NCF2: variants seen among roughly 807,000 people sequenced by gnomAD.
NCF2 encodes neutrophil cytosol factor 2.
In NCF2, 45 loss-of-function variants were observed where a neutral mutation model predicts 70.9. The observed-to-expected ratio is 0.63, with a 90% CI of 0.50 to 0.81. NCF2 has a LOEUF of 0.81. Ranked by LOEUF, NCF2 falls within the 40% of genes least tolerant of loss-of-function variation. The pLI is 0.00. For synonymous variants in NCF2, 203 were observed against 233.6 expected (o/e 0.87, Z 1.19); for missense variants, 522 against 631.6 (o/e 0.83, Z 1.86).
chr1:183,561,250 G>GT (rs1272296747), intron 13 of NCF2, among the ~76,000 whole-genome samples: 1 of 152,202 alleles, frequency 6.6e-6, no homozygotes, highest in Non-Finnish European at 1.5e-5. Flanking sequence ...TGCTAGGCTT[G>GT]TATGTACCGA....
At chr1:183,586,248 C>T (rs1393598479) in intron 2 of NCF2, among the ~76,000 whole-genome samples, 7 of 152,144 alleles carry the variant, frequency 4.6e-5, no homozygotes, top group Non-Finnish European at 8.8e-5. Flanking sequence ...CCAGGAGAAT[C>T]GCTTGAGCCT....
At chr1:183,572,947 C>A (rs910040209) in intron 5 of NCF2, among the ~76,000 whole-genome samples, 1 of 152,196 alleles carries the variant, frequency 6.6e-6, no homozygotes, top group Admixed American at 6.5e-5. Context: ...CTGTGAGTAA[C>A]CCTGTGGCTC....
chr1:183,588,627 TA>T lies in NCF2; in HGVS notation c.174+1528del, dbSNP rs35184007. Among the ~76,000 whole-genome samples, 446 of 152,200 alleles carry T rather than the reference TA, an allele frequency of 2.9e-3. 2 individuals are homozygous for T. Among genetic ancestry groups the T allele is most frequent in the African/African-American group, 0.01 (429 of 41,550 alleles). On this transcript the variant is annotated intron_variant, in intron 1 of 14. Transcript: ENST00000367535. ...AAATGAAAATAATTAAAATATTATA[TA>T]AATTGTTATATTTGTTTACTATACA... is the stretch of plus-strand genomic sequence containing the variant.
chr1:183,584,561 G>A (rs1673252586), intron 2 of NCF2, among the ~76,000 whole-genome samples: 1 of 152,142 alleles, frequency 6.6e-6, no homozygotes, highest in Non-Finnish European at 1.5e-5. Flanking sequence ...GGGACTCACG[G>A]GCATTTTTTG....
intron 1 of NCF2, among the ~76,000 whole-genome samples, chr1:183,588,062 A>G (rs1173707371): frequency 9.9e-5 from 15 of 152,208 alleles, no homozygotes. Flanking sequence ...ATTCATATGA[A>G]TTTAACTGCT....
intron 7 of NCF2, among the ~76,000 whole-genome samples, chr1:183,568,926 C>T (rs1340720149): frequency 2.0e-5 from 3 of 152,162 alleles, no homozygotes; most frequent in African/African-American, 7.2e-5. Flanking sequence ...TCAAGACTCC[C>T]ATCCCCATCA....
chr1:183,599,460 TTCTTTCTTTC>T, the NCF2 span, among the ~76,000 whole-genome samples: 1 of 141,452 alleles, frequency 7.1e-6, no homozygotes, highest in Admixed American at 7.4e-5. Flanking sequence ...CTTTCTTTCT[TTCTTTCTTTC>T]TTTCTTTCTT....
intron 14 of NCF2, among the ~76,000 whole-genome samples, chr1:183,557,061 T>G (rs1386710307): frequency 1.3e-5 from 2 of 152,182 alleles, no homozygotes; most frequent in South Asian, 4.1e-4. Flanking sequence ...TTTAATAGAG[T>G]GCAGGCATTG....
the NCF2 span, among the ~76,000 whole-genome samples, chr1:183,599,470 C>CTTTCTTTCTCT: frequency 3.6e-5 from 5 of 137,152 alleles, no homozygotes; most frequent in Non-Finnish European, 6.2e-5. Flanking sequence ...TTCTTTCTTT[C>CTTTCTTTCTCT]TTTCTTTCTT....
At chr1:183,588,644 TTACTA>T (rs1673490374) in intron 1 of NCF2, among the ~76,000 whole-genome samples, 3 of 152,130 alleles carry the variant, frequency 2.0e-5, no homozygotes, top group Non-Finnish European at 4.4e-5. Context: ...TTATATTTGT[TTACTA>T]TACAAACTTA....
At position 183,590,209 on chromosome 1, in the gene NCF2, A is replaced by G; in HGVS notation, c.121T>C (p.Phe41Leu). The G allele has an allele frequency of 6.2e-7, 1 of 1,614,174 alleles. No homozygotes were observed. The highest frequency in any genetic ancestry group is 8.5e-7 in the Non-Finnish European group (1 of 1,180,030). Residue 41 changes from phenylalanine to leucine, a missense_variant, in exon 1 of 15, where the codon TTC (phenylalanine) becomes CTC (leucine). Physicochemically the swap from Phe to Leu is conservative, Grantham distance 22. Coordinates refer to ENST00000367535, the MANE Select transcript of NCF2 (RefSeq NM_000433.4). ...ATAGTGTACATGCAGCCAATGTTGA[A>G]GCAAATCCGGGAGTGGGGGTCCTGG... is the stretch of plus-strand genomic sequence containing the variant. The part of the protein sequence containing the change: ...AVQDPHSRIC[F>L]NIGCMYTILK...
intron 2 of NCF2, among the ~76,000 whole-genome samples, chr1:183,578,737 T>G (rs12094228): frequency 0.11 from 17,475 of 152,198 alleles, 1,424 homozygotes; most frequent in East Asian, 0.24. Flanking sequence ...ACTGGCTCGA[T>G]GTATACCAGG....
upstream of NCF2, among the ~76,000 whole-genome samples, chr1:183,593,314 C>T (rs570488125): frequency 1.6e-4 from 24 of 152,324 alleles, no homozygotes; most frequent in Non-Finnish European, 2.9e-4. Flanking sequence ...TTTAACATTT[C>T]TTTGCCTCTC....
the NCF2 span, chr1:183,597,757 C>G: frequency 6.6e-6 from 1 of 152,212 alleles, no homozygotes; most frequent in Non-Finnish European, 1.5e-5. Flanking sequence ...TTCCCTTTTG[C>G]TTTCCCTGTA....
intron 13 of NCF2, among the ~76,000 whole-genome samples, chr1:183,562,459 C>G (rs765601778): frequency 6.6e-6 from 1 of 152,092 alleles, no homozygotes; most frequent in African/African-American, 2.4e-5. Flanking sequence ...AGTCTCATCC[C>G]CAGTGGCTGT....
intron 1 of NCF2, 128 bp downstream of exon 1, chr1:183,590,028 G>C: frequency 7.2e-7 from 1 of 1,394,196 alleles, no homozygotes; most frequent in Non-Finnish European, 1.0e-6. Flanking sequence ...AGGCTGTCTA[G>C]GGGTGGAGCT....
intron 2 of NCF2, among the ~76,000 whole-genome samples, chr1:183,585,431 G>A (rs756864522): frequency 3.3e-5 from 5 of 152,000 alleles, no homozygotes; most frequent in East Asian, 1.9e-4. Flanking sequence ...CGAGACCAGC[G>A]TGGCCAACAT....
chr1:183,598,299 A>G, the NCF2 span: 1 of 152,226 alleles, frequency 6.6e-6, no homozygotes, highest in African/African-American at 2.4e-5. Flanking sequence ...GACTAATACA[A>G]AGTGAAAAAT....
In NCF2 at chr1:183,556,127, T is replaced by C; in HGVS notation, c.1572A>G (p.Arg524=). ...CATTDLESTR[R]EV ...TAGTTTGTGAAACATCCTAGACTTC[T>C]CTCCGAGTGCTTTCCAAATCTGTAG... Residue 524 remains arginine (R), a synonymous_variant, in exon 15 of 15, where the codon AGA becomes AGG. Transcript: ENST00000367535. 6.2e-7 allele frequency: 1 copy of C among 1,614,010 alleles called. No homozygotes were observed.
Sources: allele counts gnomAD v4.1 joint callset (sites outside exome capture counted in the v4.1 genomes callset), GRCh38; gene constraint gnomAD v4.1.1; transcripts MANE v1.5; gene names NCBI Gene and HGNC (gene_info 2026-07-23, HGNC 2026-07-21).